VPS54: variants seen among roughly 807,000 people sequenced by gnomAD.
VPS54 encodes vacuolar protein sorting-associated protein 54.
In VPS54, 45 loss-of-function variants were observed where a neutral mutation model predicts 121.5. That is an observed-to-expected ratio of 0.37 (90% CI 0.29 to 0.47). The LOEUF (loss-of-function observed/expected upper bound fraction) is 0.47, where lower values mean the gene tolerates loss of function less well. Ranked by LOEUF, VPS54 falls within the 20% of genes least tolerant of loss-of-function variation. The pLI is 0.99. For synonymous variants in VPS54, 371 were observed against 385.8 expected, an observed-to-expected ratio of 0.96 and a Z score of 0.45; for missense variants, 1,090 against 1,131.4, an observed-to-expected ratio of 0.96 and a Z score of 0.52.
In VPS54 at chr2:63,990,381, C is replaced by T. The variant is rs920575436; in HGVS notation, c.-20-6362G>A. The stretch of plus-strand genomic sequence containing the variant: ...GCTAATTCTTCTCTCTTCAAACCTC[C>T]GGAGTCACCTAATGGCTCCAGGACC... On this transcript the variant is annotated intron_variant, in intron 1 of 22. Coordinates refer to ENST00000272322, the MANE Select transcript of VPS54 (RefSeq NM_016516.3). 3.9e-5 allele frequency among the ~76,000 whole-genome samples: 6 copies of T among 152,156 alleles called. No individual in the cohort carries two copies. In the East Asian group the frequency reaches 7.7e-4, roughly 20 times the overall value.
At chr2:64,000,021 C>T (rs142264698) in intron 1 of VPS54, among the ~76,000 whole-genome samples, 2,037 of 152,010 alleles carry the variant, frequency 0.013, 18 homozygotes, top group Non-Finnish European at 0.015. Flanking sequence ...CCACCTTGCC[C>T]GGCTAATTTT....
intron 20 of VPS54, among the ~76,000 whole-genome samples, chr2:63,906,448 C>G (rs1294761844): frequency 6.6e-6 from 1 of 152,042 alleles, no homozygotes; most frequent in Non-Finnish European, 1.5e-5. Flanking sequence ...TGAAGAAATA[C>G]TTATAAAATG....
chr2:63,898,038 AC>A (rs1458677681), intron 21 of VPS54, among the ~76,000 whole-genome samples: 21 of 152,368 alleles, frequency 1.4e-4, no homozygotes, highest in African/African-American at 3.8e-4. Context: ...AAAATTATAT[AC>A]AATGAAATTA....
chr2:63,924,715 T>C (rs939549603), intron 12 of VPS54, among the ~76,000 whole-genome samples: 4 of 152,156 alleles, frequency 2.6e-5, no homozygotes, highest in Admixed American at 6.5e-5. Flanking sequence ...TTTTACTTAA[T>C]GGTACTGGTG....
chr2:63,947,328 A>T (rs1000562480), intron 9 of VPS54, 55 bp downstream of exon 9: 1 of 1,413,210 alleles, frequency 7.1e-7, no homozygotes, highest in African/African-American at 1.5e-5. Context: ...TAACATAAAA[A>T]TAAACTTCAC....
chr2:64,015,724 A>C (rs1176731497), intron 1 of VPS54, among the ~76,000 whole-genome samples: 5 of 152,080 alleles, frequency 3.3e-5, no homozygotes, highest in African/African-American at 1.2e-4. Flanking sequence ...GAAACCTCCA[A>C]CTGGCCCTGT....
intron 1 of VPS54, among the ~76,000 whole-genome samples, chr2:63,991,979 G>A (rs553634622): frequency 3.9e-5 from 6 of 152,138 alleles, no homozygotes. Flanking sequence ...TCCCCACAGG[G>A]GTCACTGGCC....
chr2:63,910,120 G>A (rs1673085112), intron 20 of VPS54, among the ~76,000 whole-genome samples: 1 of 152,190 alleles, frequency 6.6e-6, no homozygotes, highest in South Asian at 2.1e-4. Flanking sequence ...GTTAAAAACT[G>A]AAAGGCAAAC....
chr2:63,894,586 G>A (rs573338369), intron 22 of VPS54, among the ~76,000 whole-genome samples: 5 of 151,948 alleles, frequency 3.3e-5, no homozygotes, highest in African/African-American at 7.2e-5. Flanking sequence ...ACCTGTAGTC[G>A]CAGTTATTGG....
chr2:64,017,021 T>TAAAA (rs777168254), intron 1 of VPS54, among the ~76,000 whole-genome samples: 7 of 100,378 alleles, frequency 7.0e-5, no homozygotes, highest in Admixed American at 3.2e-4. Context: ...TTTTGTTGAT[T>TAAAA]AAAAAAAAAA....
In VPS54 at chr2:63,893,271, G is replaced by T; in HGVS notation, c.*159C>A. ...AATGACATTCCTTGTAGATCCCACTGAATCCAGTTTCCCAACACTTGATAC... is the reference window on the plus strand; with the variant it reads ...AATGACATTCCTTGTAGATCCCACTTAATCCAGTTTCCCAACACTTGATAC... On this transcript the variant is annotated 3_prime_UTR_variant, in exon 23 of 23. Coordinates refer to ENST00000272322, the MANE Select transcript of VPS54 (RefSeq NM_016516.3). 1.3e-6 allele frequency: 1 copy of T among 749,840 alleles called. No homozygotes were observed. 46.4% of individuals were successfully genotyped at this position (749,840 alleles called of 1,614,324 possible). A position where few individuals can be genotyped will look rare whatever the true frequency, so the allele number is the denominator to read the frequency against.
chr2:63,949,153 A>G lies in VPS54; in HGVS notation c.1021T>C (p.Ser341Pro). 1 of 1,607,590 alleles carries G rather than the reference A, an allele frequency of 6.2e-7. No homozygotes were observed. The change falls in exon 8 of 23, where the codon TCA becomes CCA. Residue 341 changes from serine (S) to proline (P), a missense_variant. By Grantham distance (74) the Ser-to-Pro change is moderately conservative. This residue lies in a region of VPS54 where 801 missense variants were observed against 757.0 expected (regional missense o/e 1.06). Transcript: ENST00000272322. ...AGTTTTTCTAATTCACAAAGCTGTGATCCCAAATGCCTAAAAAGGAAGAGA... is the reference window on the plus strand; with the variant it reads ...AGTTTTTCTAATTCACAAAGCTGTGGTCCCAAATGCCTAAAAAGGAAGAGA... ...QGIHSFRHLGSQLCELEKLID... is the reference protein window; with the variant it reads ...QGIHSFRHLGPQLCELEKLID...
chr2:64,003,903 T>C (rs1013732722), intron 1 of VPS54, among the ~76,000 whole-genome samples: 1 of 152,176 alleles, frequency 6.6e-6, no homozygotes. Context: ...GACTTCTGTT[T>C]CTAAATACCA....
rs774975819 is a variant in VPS54, at chr2:63,893,313, C to A, written c.*117G>T. The A allele has an allele frequency of 3.3e-6, 3 of 900,074 alleles. No homozygotes were observed. Among genetic ancestry groups the A allele is most frequent in the South Asian group, 2.6e-5 (2 of 76,436 alleles). The allele number at this position is 900,074 out of a possible 1,614,324, so 55.8% of individuals were successfully genotyped here. A position where few individuals can be genotyped will look rare whatever the true frequency, so the allele number is the denominator to read the frequency against. ...ACTTGATACTTTCCTTTTTCCCTTCCCCCACCCCAGTTCACTTTGGGTTTC... is the reference window on the plus strand; with the variant it reads ...ACTTGATACTTTCCTTTTTCCCTTCACCCACCCCAGTTCACTTTGGGTTTC... On this transcript the variant is annotated 3_prime_UTR_variant, in exon 23 of 23. Coordinates refer to ENST00000272322, the MANE Select transcript of VPS54 (RefSeq NM_016516.3).
intron 5 of VPS54, 57 bp downstream of exon 5, chr2:63,968,900 G>A: frequency 6.9e-7 from 1 of 1,457,612 alleles, no homozygotes. Context: ...CTGCTTGTAA[G>A]GCAAAATTAA....
At chr2:63,972,296 A>C (rs1420265188) in intron 3 of VPS54, 52 bp from the exon 4 acceptor site, 1 of 1,357,986 alleles carries the variant, frequency 7.4e-7, no homozygotes, top group Admixed American at 2.0e-5. Flanking sequence ...ATGAGTATTC[A>C]AAGCATGAAA....
chr2:63,909,105 C>T (rs1052248985), intron 20 of VPS54, among the ~76,000 whole-genome samples: 1 of 152,144 alleles, frequency 6.6e-6, no homozygotes, highest in African/African-American at 2.4e-5. Flanking sequence ...CAGCTGACAC[C>T]ATCTCTTCCA....
At position 63,962,314 on chromosome 2, in the gene VPS54, C is replaced by T. The variant is rs1675807398; in HGVS notation, c.754G>A (p.Val252Ile). The stretch of plus-strand genomic sequence containing the variant: ...GCAATTTTATCTCGAAGCATTTTTA[C>T]AGCCTGGGAAGTTTTCCTGAGGTAG... ...QDYLRKTSQA[V>I]KMLRDKIAQI... The change falls in exon 7 of 23, where the codon GTA (valine) becomes ATA (isoleucine). Residue 252 changes from valine to isoleucine, a missense_variant. Around this residue, in one of 2 missense-constraint regions of VPS54, gnomAD observed 801 missense variants for 757.0 expected, o/e 1.06. Transcript: ENST00000272322. 1.2e-6 allele frequency: 2 copies of T among 1,613,884 alleles called. No individual in the cohort carries two copies. The highest frequency in any genetic ancestry group is 8.5e-7 in the Non-Finnish European group (1 of 1,179,934).
chr2:63,928,836 C>CAAAAAAAAAAA, intron 12 of VPS54, among the ~76,000 whole-genome samples: 1 of 64,240 alleles, frequency 1.6e-5, no homozygotes, highest in Non-Finnish European at 3.8e-5. Context: ...AAATGGAAAG[C>CAAAAAAAAAAA]AAAAAAAAAA....
Sources: gnomAD v4.1 joint callset for allele counts (sites outside exome capture counted in the v4.1 genomes callset) on GRCh38, gnomAD v4.1.1 for gene constraint, gnomAD v4.1.1 regional missense constraint, MANE v1.5 for transcripts, NCBI Gene and HGNC (gene_info 2026-07-23, HGNC 2026-07-21) for gene names.